The following FHIP1A variants were observed in gnomAD, a reference collection of about 807,000 sequenced individuals.
The protein encoded by FHIP1A is FHF complex subunit HOOK-interacting protein 1A.
Under a neutral mutation model 88.6 loss-of-function variants are expected in FHIP1A, and 61 were observed. The observed-to-expected ratio is 0.69, with a 90% CI of 0.56 to 0.85. The LOEUF (loss-of-function observed/expected upper bound fraction) is 0.85, where lower values mean the gene tolerates loss of function less well. Ranked by LOEUF, FHIP1A falls within the 40% of genes least tolerant of loss-of-function variation. The probability of loss-of-function intolerance (pLI) is 0.00; values close to 1 mark genes in which losing one functional copy is unlikely to be tolerated. For missense variants in FHIP1A, 1,154 were observed against 1,273.5 expected (o/e 0.91, Z 1.43); for synonymous variants, 478 against 496.0 (o/e 0.96, Z 0.48).
chr4:151,418,172 T>TAAAA lies in FHIP1A; in HGVS notation c.-356+8727_-356+8730dup, dbSNP rs1040622837. 4.6e-3 allele frequency among the ~76,000 whole-genome samples: 358 copies of TAAAA among 77,896 alleles called. 11 individuals are homozygous for TAAAA. The highest frequency in any genetic ancestry group is 0.011 in the South Asian group (20 of 1,794). The allele number at this position is 77,896 out of a possible 152,430, so 51.1% of individuals were successfully genotyped here. On this transcript the variant is annotated intron_variant, in intron 1 of 13. Coordinates refer to ENST00000435205, the MANE Select transcript of FHIP1A (RefSeq NM_001109977.3). Reference sequence around the variant, plus strand: ...TGGTGACAGAGTAGGAACCTATCTCTAAAAAAAAAAAAAAAAAAAAAAACA... The same window carrying TAAAA: ...TGGTGACAGAGTAGGAACCTATCTCTAAAAAAAAAAAAAAAAAAAAAAAAAAACA...
intron 3 of FHIP1A, among the ~76,000 whole-genome samples, chr4:151,551,268 A>G (rs892303559): frequency 1.3e-5 from 2 of 152,130 alleles, no homozygotes; most frequent in African/African-American, 4.8e-5. Context: ...TACAAGTATA[A>G]CTAAGATTCA....
intron 2 of FHIP1A, among the ~76,000 whole-genome samples, chr4:151,473,546 G>T (rs960259320): frequency 6.6e-6 from 1 of 151,930 alleles, no homozygotes; most frequent in Non-Finnish European, 1.5e-5. Flanking sequence ...CAACATTTTT[G>T]TCTAGTGCTA....
intron 3 of FHIP1A, among the ~76,000 whole-genome samples, chr4:151,517,003 G>A (rs572647731): frequency 1.6e-4 from 24 of 152,262 alleles, no homozygotes; most frequent in Admixed American, 2.6e-4. Flanking sequence ...ACATGCACAC[G>A]TATGTTTATT....
intron 7 of FHIP1A, among the ~76,000 whole-genome samples, chr4:151,592,884 T>G (rs1473682136): frequency 6.6e-6 from 1 of 152,214 alleles, no homozygotes; most frequent in East Asian, 1.9e-4. Context: ...TCTAGGGTTT[T>G]TATGATTTTA....
At chr4:151,484,408 G>A (rs1730004583) in intron 3 of FHIP1A, among the ~76,000 whole-genome samples, 1 of 152,174 alleles carries the variant, frequency 6.6e-6, no homozygotes, top group Non-Finnish European at 1.5e-5. Flanking sequence ...GAGACTTTGG[G>A]AGTGGGGTGT....
chr4:151,557,408 T>C (rs540777709), intron 3 of FHIP1A, among the ~76,000 whole-genome samples: 9 of 152,356 alleles, frequency 5.9e-5, no homozygotes, highest in Admixed American at 2.0e-4. Context: ...GATTTTTCTT[T>C]TCTTGCTTTT....
At chr4:151,427,711 T>C (rs1032732742) in intron 1 of FHIP1A, among the ~76,000 whole-genome samples, 1 of 152,134 alleles carries the variant, frequency 6.6e-6, no homozygotes, top group Non-Finnish European at 1.5e-5. Context: ...TGTCATGACA[T>C]TGTAACCCAG....
chr4:151,470,401 T>C (rs1401553885), intron 2 of FHIP1A, among the ~76,000 whole-genome samples: 3 of 152,208 alleles, frequency 2.0e-5, no homozygotes, highest in African/African-American at 4.8e-5. Flanking sequence ...AAACTTCTTA[T>C]AAATATTCTT....
intron 7 of FHIP1A, among the ~76,000 whole-genome samples, chr4:151,596,970 A>G (rs1049421822): frequency 6.6e-6 from 1 of 152,042 alleles, no homozygotes; most frequent in Non-Finnish European, 1.5e-5. Flanking sequence ...GGGTTAAAAC[A>G]TGCTTCTTTA....
intron 7 of FHIP1A, among the ~76,000 whole-genome samples, chr4:151,601,362 T>A (rs1298720993): frequency 1.3e-5 from 2 of 151,956 alleles, no homozygotes; most frequent in Admixed American, 6.6e-5. Flanking sequence ...ATCAGCATGC[T>A]TATTTACCAG....
Position 151,656,178 on chromosome 4 carries a change from G to A in FHIP1A, c.2552-54G>A, listed in dbSNP as rs1472295258. The A allele has an allele frequency of 1.4e-6, 2 of 1,431,554 alleles. No homozygotes were observed. The highest frequency in any genetic ancestry group is 1.9e-6 in the Non-Finnish European group (2 of 1,043,574). 88.7% of individuals were successfully genotyped at this position (1,431,554 alleles called of 1,614,324 possible). A position where few individuals can be genotyped will look rare whatever the true frequency, so the allele number is the denominator to read the frequency against. On this transcript the variant is annotated intron_variant, in intron 11 of 13. Transcript: ENST00000435205. This position sits in a 1 kb window ranked among gnomAD's most constrained non-coding sequence, Gnocchi z 4.2. Reference sequence around the variant, plus strand: ...CACCGATGGTTCTGCAATTGTCAGGGAAAGGCATCCCTGTGAGCCCAGCCA... The same window carrying A: ...CACCGATGGTTCTGCAATTGTCAGGAAAAGGCATCCCTGTGAGCCCAGCCA...
intron 3 of FHIP1A, among the ~76,000 whole-genome samples, chr4:151,527,888 TTGGTTG>T (rs1731738340): frequency 7.1e-6 from 1 of 141,792 alleles, no homozygotes; most frequent in African/African-American, 2.6e-5. Context: ...CTCAATGAAG[TTGGTTG>T]TGATTCACTG....
intron 3 of FHIP1A, among the ~76,000 whole-genome samples, chr4:151,519,427 T>A (rs912736673): frequency 4.3e-4 from 66 of 152,174 alleles, no homozygotes; most frequent in Non-Finnish European, 4.4e-5. Flanking sequence ...GCTTTTTTTT[T>A]ATTGCTGAGT....
intron 3 of FHIP1A, among the ~76,000 whole-genome samples, chr4:151,484,565 A>G (rs139528129): frequency 6.6e-6 from 1 of 152,350 alleles, no homozygotes; most frequent in East Asian, 1.9e-4. Flanking sequence ...CGAGGAAATG[A>G]TGGTGGATAC....
intron 7 of FHIP1A, among the ~76,000 whole-genome samples, chr4:151,597,708 T>TGC (rs1734704090): frequency 6.6e-6 from 1 of 152,188 alleles, no homozygotes; most frequent in East Asian, 1.9e-4. Context: ...CTGCTGCCTT[T>TGC]CTTTCAGAGA....
intron 7 of FHIP1A, among the ~76,000 whole-genome samples, chr4:151,624,380 C>T (rs1481998858): frequency 6.6e-6 from 1 of 152,086 alleles, no homozygotes; most frequent in Non-Finnish European, 1.5e-5. Flanking sequence ...GCACTGCCTC[C>T]CACGTGTGCC....
At chr4:151,660,820 G>A (rs1257083787) in intron 13 of FHIP1A, among the ~76,000 whole-genome samples, 3 of 152,204 alleles carry the variant, frequency 2.0e-5, no homozygotes, top group Non-Finnish European at 2.9e-5. Context: ...TACTGATGAG[G>A]ATGATGTGGT....
At chr4:151,502,651 A>G (rs1730695096) in intron 3 of FHIP1A, among the ~76,000 whole-genome samples, 1 of 152,192 alleles carries the variant, frequency 6.6e-6, no homozygotes. Flanking sequence ...AACATGCATT[A>G]TGGGAATCCT....
intron 3 of FHIP1A, among the ~76,000 whole-genome samples, chr4:151,554,393 C>T (rs1247871362): frequency 6.6e-6 from 1 of 152,168 alleles, no homozygotes; most frequent in Non-Finnish European, 1.5e-5. Flanking sequence ...TAAATCAATA[C>T]ATGAATAACA....
Sources: allele counts gnomAD v4.1 joint callset (sites outside exome capture counted in the v4.1 genomes callset), GRCh38; gene constraint gnomAD v4.1.1; non-coding constraint Gnocchi (gnomAD v3.1); transcripts MANE v1.5; gene names NCBI Gene and HGNC (gene_info 2026-07-23, HGNC 2026-07-21).